DIAPH2: variants seen among roughly 807,000 people sequenced by gnomAD.
The protein encoded by DIAPH2 is protein diaphanous homolog 2.
A neutral mutation model predicts 92.7 loss-of-function variants in DIAPH2; 35 were observed. The observed-to-expected ratio is 0.38, with a 90% CI of 0.29 to 0.50. The LOEUF is 0.50. DIAPH2 is among the 20% of genes least tolerant of loss of function. The probability of loss-of-function intolerance (pLI) is 0.94; values close to 1 mark genes in which losing one functional copy is unlikely to be tolerated. For synonymous variants in DIAPH2, 301 were observed against 280.4 expected (o/e 1.07, Z -0.73); for missense variants, 701 against 819.5 (o/e 0.86, Z 1.77).
intron 25 of DIAPH2, 73 bp from the exon 26 acceptor site, chrX:97,429,577 G>C (rs1456950584): frequency 3.5e-6 from 4 of 1,151,480 alleles, no homozygotes; most frequent in Admixed American, 5.4e-5. Flanking sequence ...TCTGACAGGA[G>C]TTTTTCCCTT....
intron 23 of DIAPH2, among the ~76,000 whole-genome samples, chrX:97,327,338 A>G (rs2147662708): frequency 9.0e-6 from 1 of 111,208 alleles, no homozygotes; most frequent in South Asian, 3.8e-4. Context: ...ACCTCAGGCA[A>G]TCCGCCTGCC....
chrX:97,349,982 T>C (rs1197829146), intron 24 of DIAPH2, among the ~76,000 whole-genome samples: 1 of 111,754 alleles, frequency 8.9e-6, no homozygotes, highest in East Asian at 2.8e-4. Context: ...ATAATTTTTT[T>C]TGTAACAATG....
At chrX:97,422,981 A>C (rs897485057) in intron 25 of DIAPH2, among the ~76,000 whole-genome samples, 1 of 111,529 alleles carries the variant, frequency 9.0e-6, no homozygotes, top group African/African-American at 3.3e-5. Context: ...AGCAAGCAAT[A>C]TGAGCTTCAC....
intron 22 of DIAPH2, among the ~76,000 whole-genome samples, chrX:97,172,343 G>A (rs937129264): frequency 1.8e-5 from 2 of 111,224 alleles, no homozygotes; most frequent in Admixed American, 9.6e-5. Context: ...TTTTCTTGAG[G>A]CTTCTGTTGT....
At chrX:97,225,869 T>C (rs2067961401) in intron 22 of DIAPH2, among the ~76,000 whole-genome samples, 1 of 112,124 alleles carries the variant, frequency 8.9e-6, no homozygotes, top group Non-Finnish European at 1.9e-5. Flanking sequence ...GATGATGACC[T>C]GCACATAATT....
intron 23 of DIAPH2, among the ~76,000 whole-genome samples, chrX:97,312,531 G>A (rs1441496254): frequency 9.2e-6 from 1 of 108,665 alleles, no homozygotes; most frequent in Non-Finnish European, 1.9e-5. Flanking sequence ...TATATTTTTA[G>A]TAGAGACGGG....
intron 26 of DIAPH2, among the ~76,000 whole-genome samples, chrX:97,447,704 G>A (rs1369118447): frequency 9.0e-6 from 1 of 111,247 alleles, no homozygotes; most frequent in Non-Finnish European, 1.9e-5. Flanking sequence ...TTGAAAGCAC[G>A]GTTAAAATAA....
intron 1 of DIAPH2, among the ~76,000 whole-genome samples, chrX:96,707,360 G>A (rs1038239436): frequency 9.2e-6 from 1 of 108,926 alleles, no homozygotes; most frequent in African/African-American, 3.3e-5. Flanking sequence ...TAGTAGAGAC[G>A]GGGTTTCACC....
intron 7 of DIAPH2, among the ~76,000 whole-genome samples, chrX:96,915,696 ATATAT>A (rs1381628893): frequency 2.7e-5 from 3 of 112,091 alleles, no homozygotes; most frequent in South Asian, 3.6e-4. Flanking sequence ...AGATAAAATA[ATATAT>A]TGCTTTCTTA....
chrX:97,129,620 G>A (rs2067124286), intron 21 of DIAPH2, among the ~76,000 whole-genome samples: 1 of 111,058 alleles, frequency 9.0e-6, no homozygotes. Context: ...TAAGAATAAG[G>A]GGCAAAGAGA....
At chrX:96,955,108 T>C (rs1237825753) in intron 15 of DIAPH2, among the ~76,000 whole-genome samples, 2 of 112,035 alleles carry the variant, frequency 1.8e-5, no homozygotes, top group East Asian at 2.8e-4. Context: ...TACCTGAGAC[T>C]GGGTAATTTA....
rs140482414 is a variant in DIAPH2 at position 97,204,461 on chromosome X, A to G, written c.2720-43254A>G. 4.3e-3 allele frequency among the ~76,000 whole-genome samples: 482 copies of G among 112,199 alleles called. 20 individuals are homozygous for G. In the East Asian group the frequency reaches 0.11, roughly 25 times the overall value. ...CCAAAACTCCTTAAGCTGATAAACA[A>G]CTTCAGCAAAGTCTCAGGATACAAA... On this transcript the variant is annotated intron_variant, in intron 22 of 26. Transcript: ENST00000324765.
At chrX:97,094,926 C>G (rs760829871) in intron 19 of DIAPH2, among the ~76,000 whole-genome samples, 1 of 109,649 alleles carries the variant, frequency 9.1e-6, no homozygotes, top group South Asian at 3.9e-4. Flanking sequence ...AGTAAAGGAA[C>G]ACATGATTTA....
At chrX:97,342,405 AGTT>A (rs201859235) in intron 23 of DIAPH2, among the ~76,000 whole-genome samples, 1,231 of 112,280 alleles carry the variant, frequency 0.011, 18 homozygotes, top group African/African-American at 0.038. Flanking sequence ...AGGCACACTC[AGTT>A]TATTTCCATT....
chrX:97,310,297 G>A (rs1308491529), intron 23 of DIAPH2, among the ~76,000 whole-genome samples: 2 of 112,318 alleles, frequency 1.8e-5, no homozygotes, highest in African/African-American at 6.5e-5. Context: ...AAATACCATA[G>A]TACACAGATA....
intron 24 of DIAPH2, among the ~76,000 whole-genome samples, chrX:97,350,932 TTTAAG>T (rs900653985): frequency 8.9e-6 from 1 of 112,464 alleles, no homozygotes; most frequent in Non-Finnish European, 1.9e-5. Flanking sequence ...TTCATGTCCA[TTTAAG>T]TTAATTTCTT....
intron 26 of DIAPH2, among the ~76,000 whole-genome samples, chrX:97,492,810 G>A (rs1256925699): frequency 1.8e-5 from 2 of 111,527 alleles, no homozygotes; most frequent in African/African-American, 6.5e-5. Flanking sequence ...CTTTTCTCTT[G>A]CTCCTTTAAA....
intron 22 of DIAPH2, among the ~76,000 whole-genome samples, chrX:97,205,851 A>G (rs970477566): frequency 1.8e-5 from 2 of 111,677 alleles, no homozygotes; most frequent in African/African-American, 6.5e-5. Flanking sequence ...AGACACATGC[A>G]CAGGTATGTT....
At position 97,570,074 on chromosome X, in the gene DIAPH2, TAATATA is replaced by T. The variant is rs1171093693; in HGVS notation, c.3242-29178_3242-29173del. ...TATTATACAAGTTCATAAGGCCTTCTAATATATATATATATATATATATATATATAT... is the reference window on the plus strand; with the variant it reads ...TATTATACAAGTTCATAAGGCCTTCTTATATATATATATATATATATATAT... On this transcript the variant is annotated intron_variant, in intron 26 of 26. Transcript: ENST00000324765. Among the ~76,000 whole-genome samples, 15 of 40,754 alleles carry T rather than the reference TAATATA, an allele frequency of 3.7e-4. No homozygotes were observed. The East Asian group carries it at 6.7e-3, about 18-fold the overall frequency. The allele number at this position is 40,754 out of a possible 115,157, so 35.4% of individuals were successfully genotyped here.
Sources: gnomAD v4.1 joint callset for allele counts (sites outside exome capture counted in the v4.1 genomes callset) on GRCh38, gnomAD v4.1.1 for gene constraint, MANE v1.5 for transcripts, NCBI Gene and HGNC (gene_info 2026-07-23, HGNC 2026-07-21) for gene names.